The following RANBP17 variants were observed in gnomAD, a reference collection of about 807,000 sequenced individuals.
RANBP17 encodes RAN binding protein 17, also known as ran-binding protein 17.
Under a neutral mutation model 141.2 loss-of-function variants are expected in RANBP17, and 158 were observed. The observed-to-expected ratio is 1.12, with a 90% CI of 0.98 to 1.28. RANBP17 has a LOEUF of 1.28. Among genes scored for constraint, RANBP17 ranks in the 50% most tolerant of loss-of-function variants. RANBP17 has a pLI of 0.00. For missense variants in RANBP17, 1,438 were observed against 1,290.7 expected (o/e 1.11, Z -1.75); for synonymous variants, 430 against 450.0 (o/e 0.96, Z 0.56).
At chr5:171,073,388 C>G (rs1784739175) in intron 14 of RANBP17, among the ~76,000 whole-genome samples, 1 of 151,964 alleles carries the variant, frequency 6.6e-6, no homozygotes, top group Non-Finnish European at 1.5e-5. Context: ...CTTACAGGTA[C>G]AGATTAGCAG....
At chr5:170,967,516 T>C (rs1162523439) in intron 13 of RANBP17, among the ~76,000 whole-genome samples, 1 of 151,712 alleles carries the variant, frequency 6.6e-6, no homozygotes, top group Admixed American at 6.6e-5. Context: ...TTGAAGGATT[T>C]TTTTTGAGGT....
At chr5:171,156,836 G>C (rs1403716152) in intron 14 of RANBP17, among the ~76,000 whole-genome samples, 2 of 152,140 alleles carry the variant, frequency 1.3e-5, no homozygotes, top group Admixed American at 1.3e-4. Flanking sequence ...TGATGACAAA[G>C]AGGCTAAGAG....
intron 18 of RANBP17, among the ~76,000 whole-genome samples, chr5:171,186,233 G>A (rs1312469014): frequency 6.6e-6 from 1 of 152,170 alleles, no homozygotes; most frequent in Non-Finnish European, 1.5e-5. Flanking sequence ...TTCTTCCAAT[G>A]AAAGGCTGTT....
intron 14 of RANBP17, among the ~76,000 whole-genome samples, chr5:171,117,498 T>TTA (rs1755719136): frequency 1.3e-5 from 2 of 152,098 alleles, no homozygotes; most frequent in Non-Finnish European, 2.9e-5. Flanking sequence ...ATTTTCTTTT[T>TTA]TTATTATTAT....
intron 14 of RANBP17, among the ~76,000 whole-genome samples, chr5:171,048,713 T>C (rs1022693436): frequency 3.3e-5 from 5 of 152,176 alleles, no homozygotes; most frequent in Non-Finnish European, 4.4e-5. Flanking sequence ...CTTCCACTTA[T>C]AAGTGAGAAC....
chr5:171,022,168 T>C (rs1780906653), intron 14 of RANBP17, among the ~76,000 whole-genome samples: 4 of 152,178 alleles, frequency 2.6e-5, no homozygotes, highest in Admixed American at 2.6e-4. Flanking sequence ...GATGGGTCCC[T>C]GCTCCTTCTC....
At chr5:171,098,238 T>C (rs245766) in intron 14 of RANBP17, among the ~76,000 whole-genome samples, 7 of 152,002 alleles carry the variant, frequency 4.6e-5, no homozygotes, top group African/African-American at 1.7e-4. Context: ...GTTGAATTAA[T>C]TTACACTCTC....
chr5:170,901,892 T>C (rs2127404393), intron 5 of RANBP17, among the ~76,000 whole-genome samples: 1 of 152,364 alleles, frequency 6.6e-6, no homozygotes, highest in African/African-American at 2.4e-5. Context: ...AGAGATCTGC[T>C]GTTAGTCTGA....
chr5:170,906,033 C>T (rs1481126971), intron 5 of RANBP17, among the ~76,000 whole-genome samples: 3 of 151,990 alleles, frequency 2.0e-5, no homozygotes, highest in Non-Finnish European at 4.4e-5. Flanking sequence ...TCTCAACTGA[C>T]GCTAAGTTGC....
intron 18 of RANBP17, among the ~76,000 whole-genome samples, chr5:171,199,317 A>T (rs1484330710): frequency 4.6e-5 from 7 of 152,164 alleles, no homozygotes; most frequent in African/African-American, 1.7e-4. Flanking sequence ...GGGAAAAAAA[A>T]AACACTGCGT....
At chr5:171,154,350 C>T (rs1561710368) in intron 14 of RANBP17, among the ~76,000 whole-genome samples, 1 of 151,882 alleles carries the variant, frequency 6.6e-6, no homozygotes, top group East Asian at 2.0e-4. Flanking sequence ...GATCTCGGCT[C>T]ACTGCAAGCT....
At chr5:171,291,721 T>C (rs1050313503) in intron 25 of RANBP17, among the ~76,000 whole-genome samples, 3 of 152,156 alleles carry the variant, frequency 2.0e-5, no homozygotes, top group Non-Finnish European at 2.9e-5. Flanking sequence ...CATACCCTAC[T>C]GTAAGATATT....
At chr5:171,170,706 G>A (rs1433597701) in intron 15 of RANBP17, among the ~76,000 whole-genome samples, 4 of 152,024 alleles carry the variant, frequency 2.6e-5, no homozygotes, top group Non-Finnish European at 2.9e-5. Context: ...CTTTGTACAC[G>A]TAGCCAAACT....
intron 12 of RANBP17, among the ~76,000 whole-genome samples, chr5:170,926,369 C>CT (rs1772920769): frequency 6.6e-6 from 1 of 151,970 alleles, no homozygotes; most frequent in Non-Finnish European, 1.5e-5. Context: ...AATAATATAC[C>CT]TCCTAGGTAT....
At chr5:171,248,216 A>C (rs1037857999) in intron 24 of RANBP17, among the ~76,000 whole-genome samples, 9 of 152,040 alleles carry the variant, frequency 5.9e-5, no homozygotes, top group Non-Finnish European at 8.8e-5. Context: ...AATACAAAAA[A>C]ATTAGCTGGG....
intron 14 of RANBP17, among the ~76,000 whole-genome samples, chr5:171,019,161 GTAAT>G (rs1166768642): frequency 6.6e-6 from 1 of 152,198 alleles, no homozygotes; most frequent in Non-Finnish European, 1.5e-5. Context: ...CAGTTTGCCA[GTAAT>G]TAATTGAGAA....
intron 14 of RANBP17, among the ~76,000 whole-genome samples, chr5:171,086,208 T>A (rs1276816605): frequency 1.5e-5 from 2 of 136,084 alleles, no homozygotes; most frequent in African/African-American, 5.5e-5. Context: ...TTTTTCTACA[T>A]CTGTTGAGAT....
In RANBP17 at chr5:171,110,807, A is replaced by T. The variant is rs574379533; in HGVS notation, c.1711-59323A>T. ...TTAGTTTAACAGAGTCTCTTTATAG[A>T]TTTTTCTCTACCTGGACTCCCCTCT... On this transcript the variant is annotated intron_variant, in intron 14 of 27. Coordinates refer to ENST00000523189, the MANE Select transcript of RANBP17 (RefSeq NM_022897.5). Among the ~76,000 whole-genome samples the T allele has an allele frequency of 4.4e-4, 67 of 150,890 alleles. 2 individuals carry two copies. In the South Asian group the frequency reaches 0.014, roughly 31 times the overall value.
At chr5:171,062,159 A>C (rs373872486) in intron 14 of RANBP17, among the ~76,000 whole-genome samples, 1 of 151,840 alleles carries the variant, frequency 6.6e-6, no homozygotes, top group Admixed American at 6.6e-5. Context: ...GTCCATTTAC[A>C]TTTAAAGTTA....
Sources: gnomAD v4.1 joint callset for allele counts (sites outside exome capture counted in the v4.1 genomes callset) on GRCh38, gnomAD v4.1.1 for gene constraint, MANE v1.5 for transcripts, NCBI Gene and HGNC (gene_info 2026-07-23, HGNC 2026-07-21) for gene names.